Variants in DDA1 observed in about 807,000 individuals in gnomAD.
DDA1 encodes DET1 and DDB1 associated 1.
A neutral mutation model predicts 18.6 loss-of-function variants in DDA1; 3 were observed. The ratio of observed to expected loss-of-function variants is 0.16; its 90% CI spans 0.07 to 0.42. The LOEUF (loss-of-function observed/expected upper bound fraction) is 0.42, where lower values mean the gene tolerates loss of function less well. Among genes scored for constraint, DDA1 ranks in the 10% least tolerant of loss-of-function variants. The pLI is 0.99. For missense variants in DDA1, 105 were observed against 138.2 expected, an observed-to-expected ratio of 0.76 and a Z score of 1.20; for synonymous variants, 52 against 54.0, an observed-to-expected ratio of 0.96 and a Z score of 0.17.
chr19:17,309,898 T>C (rs1199042236), intron 1 of DDA1, among the ~76,000 whole-genome samples: 1 of 151,714 alleles, frequency 6.6e-6, no homozygotes, highest in Non-Finnish European at 1.5e-5. Context: ...CCCTGACAAC[T>C]CATTCATTTC....
rs913083480 is a variant in DDA1 at position 17,318,720 on chromosome 19, C to T, written c.199-826C>T. On this transcript the variant is annotated intron_variant, in intron 4 of 4. Transcript: ENST00000359866. ...TCTGTTGCCCAGGCTGGAGTGAGTG[C>T]AGTGGCGTGATCTCAGCTCACTGCA... Among the ~76,000 whole-genome samples the T allele has an allele frequency of 2.7e-5, 4 of 150,430 alleles. No individual in the cohort carries two copies. In the South Asian group the frequency reaches 8.4e-4, roughly 31 times the overall value.
At chr19:17,313,633 A>T (rs1415918337) in intron 1 of DDA1, among the ~76,000 whole-genome samples, 2 of 151,654 alleles carry the variant, frequency 1.3e-5, no homozygotes, top group Non-Finnish European at 2.9e-5. Flanking sequence ...AGTAGAGATG[A>T]GGTTTTGCCA....
At chr19:17,316,501 A>AGC (rs2074213574) in intron 4 of DDA1, among the ~76,000 whole-genome samples, 1 of 151,804 alleles carries the variant, frequency 6.6e-6, no homozygotes, top group African/African-American at 2.4e-5. Flanking sequence ...AATCGCTTGA[A>AGC]CCAGGGAGGC....
chr19:17,313,733 C>T (rs967569252), intron 1 of DDA1, among the ~76,000 whole-genome samples: 2 of 152,118 alleles, frequency 1.3e-5, no homozygotes, highest in East Asian at 1.9e-4. Context: ...GGAGCCACTG[C>T]GGTATGACTT....
rs78029090 is a variant in DDA1 at position 17,310,227 on chromosome 19, G to A, written c.3+570G>A. 27 of 153,282 alleles carry A rather than the reference G, an allele frequency of 1.8e-4. 1 individual carries two copies. In the East Asian group the frequency reaches 5.2e-3, roughly 29 times the overall value. The allele number at this position is 153,282 out of a possible 1,614,324, so 9.5% of individuals were successfully genotyped here. On this transcript the variant is annotated intron_variant, in intron 1 of 4. Coordinates refer to ENST00000359866, the MANE Select transcript of DDA1 (RefSeq NM_024050.6). ...CGCATGGATTGTCCCTGTGAAATGA[G>A]GGTAGCAGTAGTCTGAACCTCTTAG...
intron 3 of DDA1, chr19:17,315,641 G>C (rs1047906882): frequency 8.9e-6 from 4 of 449,298 alleles, no homozygotes; most frequent in Non-Finnish European, 1.6e-5. Context: ...ACAGATATGC[G>C]GTATGTGCTC....
Position 17,317,002 on chromosome 19 carries a change from G to A in DDA1, c.198+1007G>A, listed in dbSNP as rs368679722. Among the ~76,000 whole-genome samples, 23 of 152,208 alleles carry A rather than the reference G, an allele frequency of 1.5e-4. No individual in the cohort carries two copies. In the East Asian group the frequency reaches 2.1e-3, roughly 14 times the overall value. On this transcript the variant is annotated intron_variant, in intron 4 of 4. Coordinates refer to ENST00000359866, the MANE Select transcript of DDA1 (RefSeq NM_024050.6). The stretch of plus-strand genomic sequence containing the variant: ...CGCGCTTTGGGAGGCCTACGCAGGC[G>A]GATCACGAGGTCAGAAGTTTGAGAC...
intron 1 of DDA1, chr19:17,310,362 C>T (rs1481099943): frequency 1.3e-5 from 2 of 152,338 alleles, no homozygotes; most frequent in East Asian, 3.9e-4. Flanking sequence ...GCTGTCCCCT[C>T]ATTATGAAGT....
chr19:17,316,897 A>G (rs1170866141), intron 4 of DDA1, among the ~76,000 whole-genome samples: 2 of 151,374 alleles, frequency 1.3e-5, no homozygotes, highest in African/African-American at 4.9e-5. Flanking sequence ...AAAAAAAACA[A>G]AAAATCTTTT....
chr19:17,313,433 CTTTTTTTTTTTT>C (rs57148595), intron 1 of DDA1, among the ~76,000 whole-genome samples: 2 of 82,558 alleles, frequency 2.4e-5, no homozygotes, highest in East Asian at 3.1e-4. Flanking sequence ...TTGAAAATGG[CTTTTTTTTTTTT>C]TTTTTTTTTT....
chr19:17,320,962 GTTTTC>G lies in DDA1; in HGVS notation c.*1311_*1315del, dbSNP rs1376252632. On this transcript the variant is annotated 3_prime_UTR_variant, in exon 5 of 5. Coordinates refer to ENST00000359866, the MANE Select transcript of DDA1 (RefSeq NM_024050.6). ...CCCACTGGTGGTGGTGGGGATCTCA[GTTTTC>G]TTTTGTTTTGTTTTGTTTGTTTGTT... 3.9e-5 allele frequency: 6 copies of G among 152,304 alleles called. No homozygotes were observed. Among genetic ancestry groups the G allele is most frequent in the East Asian group, 1.9e-4 (1 of 5,198 alleles). The allele number at this position is 152,304 out of a possible 1,614,324, so 9.4% of individuals were successfully genotyped here.
intron 1 of DDA1, among the ~76,000 whole-genome samples, chr19:17,312,168 G>A (rs1397201303): frequency 6.6e-6 from 1 of 152,152 alleles, no homozygotes; most frequent in Admixed American, 6.5e-5. Context: ...CCAGGGACGG[G>A]CTAAGCCAGG....
chr19:17,309,709 T>G, intron 1 of DDA1, 52 bp downstream of exon 1: 2 of 1,599,904 alleles, frequency 1.3e-6, no homozygotes, highest in African/African-American at 2.7e-5. Context: ...AAAATGGCGC[T>G]GTGGTCCCAC....
chr19:17,319,685 C>G lies in DDA1; in HGVS notation c.*29C>G. 1 of 1,544,088 alleles carries G rather than the reference C, an allele frequency of 6.5e-7. No homozygotes were observed. Among genetic ancestry groups the G allele is most frequent in the Non-Finnish European group, 8.8e-7 (1 of 1,141,072 alleles). On this transcript the variant is annotated 3_prime_UTR_variant, in exon 5 of 5. Transcript: ENST00000359866. ...TCTCAACTCCACAGGCGCCTCCTGCCAGGTCTGCTCCTCGGTCGCCCACCC... is the reference window on the plus strand; with the variant it reads ...TCTCAACTCCACAGGCGCCTCCTGCGAGGTCTGCTCCTCGGTCGCCCACCC...
Position 17,319,641 on chromosome 19 carries a change from G to T in DDA1, c.294G>T (p.Met98Ile), listed in dbSNP as rs960203297. 6.4e-6 allele frequency: 10 copies of T among 1,571,714 alleles called. No individual in the cohort carries two copies. Among genetic ancestry groups the T allele is most frequent in the Non-Finnish European group, 8.6e-6 (10 of 1,158,478 alleles). ...RKVARTDSPD[M>I]HEDT ...TGGCGCGGACCGACAGCCCAGACAT[G>T]CACGAGGACACTTAAGACTCTCAAC... The change falls in exon 5 of 5, where the codon ATG (methionine) becomes ATT (isoleucine). Residue 98 changes from methionine to isoleucine, a missense_variant. Physicochemically the swap from Met to Ile is conservative, Grantham distance 10. Around this residue, in one of 2 missense-constraint regions of DDA1, gnomAD observed 62 missense variants for 55.8 expected, o/e 1.11. Transcript: ENST00000359866.
Position 17,314,102 on chromosome 19 carries a change from C to G in DDA1, c.83C>G (p.Ser28Trp). Reference protein sequence around the residue: ...RFHADSVCKASNRRPSVYLPT... With the variant: ...RFHADSVCKAWNRRPSVYLPT... ...CACGCGGACTCCGTGTGCAAAGCCT[C>G]GGTGAGTGCGTGTTCCTGGGACTGG... is the stretch of plus-strand genomic sequence containing the variant. Residue 28 changes from serine (S) to tryptophan (W), a missense_variant and splice_region_variant, in exon 2 of 5, where the codon TCG becomes TGG. Physicochemically the swap from Ser to Trp is radical, Grantham distance 177. Around this residue, in one of 2 missense-constraint regions of DDA1, gnomAD observed 43 missense variants for 82.3 expected, o/e 0.52. Coordinates refer to ENST00000359866, the MANE Select transcript of DDA1 (RefSeq NM_024050.6). The surrounding 1 kb of genome is among the most constrained non-coding windows in gnomAD (Gnocchi z 4.6). 1 of 1,613,966 alleles carries G rather than the reference C, an allele frequency of 6.2e-7. No individual in the cohort carries two copies. Among genetic ancestry groups the G allele is most frequent in the South Asian group, 1.1e-5 (1 of 91,088 alleles).
intron 1 of DDA1, among the ~76,000 whole-genome samples, chr19:17,312,586 G>C (rs571640517): frequency 6.6e-6 from 1 of 152,130 alleles, no homozygotes; most frequent in Non-Finnish European, 1.5e-5. Flanking sequence ...GCATCCCTGC[G>C]TCTGGGCAGC....
intron 4 of DDA1, 66 bp from the exon 5 acceptor site, chr19:17,319,480 A>T: frequency 7.3e-7 from 1 of 1,376,206 alleles, no homozygotes; most frequent in Non-Finnish European, 1.0e-6. Flanking sequence ...GGATTGCTTG[A>T]GCCCAGAAGG....
At position 17,314,264 on chromosome 19, in the gene DDA1, G is replaced by T; in HGVS notation, c.85-74G>T. ...TCTTCCAATCTGCACTGAAGGGTGGGTGCTGAGTGGAGGGATGAGGAGACC... is the reference window on the plus strand; with the variant it reads ...TCTTCCAATCTGCACTGAAGGGTGGTTGCTGAGTGGAGGGATGAGGAGACC... On this transcript the variant is annotated intron_variant, in intron 2 of 4. Transcript: ENST00000359866. The surrounding 1 kb of genome is among the most constrained non-coding windows in gnomAD (Gnocchi z 4.6). 6.3e-7 allele frequency: 1 copy of T among 1,593,146 alleles called. No homozygotes were observed.
Sources: allele counts gnomAD v4.1 joint callset (sites outside exome capture counted in the v4.1 genomes callset), GRCh38; gene constraint gnomAD v4.1.1; regional missense constraint gnomAD v4.1.1; non-coding constraint Gnocchi (gnomAD v3.1); transcripts MANE v1.5; gene names NCBI Gene and HGNC (gene_info 2026-07-23, HGNC 2026-07-21).